The following SV2C variants were observed in gnomAD, a reference collection of about 807,000 sequenced individuals.
The protein encoded by SV2C is solute carrier family 22 member B3.
A neutral mutation model predicts 79.7 loss-of-function variants in SV2C; 49 were observed. That is an observed-to-expected ratio of 0.61 (90% CI 0.49 to 0.78). The LOEUF (loss-of-function observed/expected upper bound fraction) is 0.78, where lower values mean the gene tolerates loss of function less well. SV2C is among the 30% of genes least tolerant of loss of function. SV2C has a pLI of 0.00. For missense variants in SV2C, 833 were observed against 912.9 expected, an observed-to-expected ratio of 0.91 and a Z score of 1.13; for synonymous variants, 334 against 333.2, an observed-to-expected ratio of 1.00 and a Z score of -0.03.
At chr5:76,256,275 G>A (rs1746262912) in intron 4 of SV2C, among the ~76,000 whole-genome samples, 1 of 152,200 alleles carries the variant, frequency 6.6e-6, no homozygotes, top group Non-Finnish European at 1.5e-5. Flanking sequence ...CTCATTGAGT[G>A]AATGCGAGCC....
At chr5:75,989,083 A>G in the SV2C span, among the ~76,000 whole-genome samples, 1 of 151,978 alleles carries the variant, frequency 6.6e-6, no homozygotes, top group Non-Finnish European at 1.5e-5. Context: ...TTAAACAAAA[A>G]AGGATTAATT....
At chr5:75,934,264 G>A in the SV2C span, among the ~76,000 whole-genome samples, 1 of 142,832 alleles carries the variant, frequency 7.0e-6, no homozygotes, top group Non-Finnish European at 1.5e-5. Flanking sequence ...GCTTTATTTT[G>A]TAGTAAACAG....
chr5:76,309,148 C>A (rs116052621), intron 12 of SV2C, among the ~76,000 whole-genome samples: 394 of 152,224 alleles, frequency 2.6e-3, no homozygotes, highest in African/African-American at 8.1e-3. Flanking sequence ...AAGAGTTACT[C>A]AAAGAACAAG....
intron 8 of SV2C, among the ~76,000 whole-genome samples, chr5:76,295,379 G>GC (rs2112512598): frequency 6.6e-6 from 1 of 152,248 alleles, no homozygotes; most frequent in South Asian, 2.1e-4. Flanking sequence ...TGAGGTCTCT[G>GC]CCCTCATAAC....
At chr5:76,310,795 C>T (rs554821104) in intron 12 of SV2C, among the ~76,000 whole-genome samples, 3 of 152,114 alleles carry the variant, frequency 2.0e-5, no homozygotes, top group South Asian at 2.1e-4. Context: ...AATCCATCAA[C>T]GTAAGAAAAT....
the SV2C span, among the ~76,000 whole-genome samples, chr5:76,044,762 G>A: frequency 6.6e-6 from 1 of 152,040 alleles, no homozygotes; most frequent in African/African-American, 2.4e-5. Flanking sequence ...GGGGTGGGTT[G>A]TTTGTTTTTT....
chr5:76,327,256 G>A lies in SV2C; in HGVS notation c.*1709G>A, dbSNP rs1749039285. The A allele has an allele frequency of 6.6e-6, 1 of 152,176 alleles. No homozygotes were observed. Among genetic ancestry groups the A allele is most frequent in the African/African-American group, 2.4e-5 (1 of 41,426 alleles). 9.4% of individuals were successfully genotyped at this position (152,176 alleles called of 1,614,324 possible). A position where few individuals can be genotyped will look rare whatever the true frequency, so the allele number is the denominator to read the frequency against. On this transcript the variant is annotated 3_prime_UTR_variant, in exon 13 of 13. Transcript: ENST00000502798. Reference sequence around the variant, plus strand: ...TGAAGTAATTCAGGTCTGCAGAGGGGGGAAGACTGGTGTTGGGGGCAGTGG... The same window carrying A: ...TGAAGTAATTCAGGTCTGCAGAGGGAGGAAGACTGGTGTTGGGGGCAGTGG...
At chr5:76,034,186 A>G in the SV2C span, among the ~76,000 whole-genome samples, 11,650 of 151,134 alleles carry the variant, frequency 0.077, 1,408 homozygotes, top group African/African-American at 0.26. Flanking sequence ...CAATCATGTC[A>G]TCTGCAAACA....
In SV2C at chr5:76,315,090, A is replaced by C. The variant is rs184535096; in HGVS notation, c.2001-10274A>C. On this transcript the variant is annotated intron_variant, in intron 12 of 12. Transcript: ENST00000502798. ...GATCCAGGGATTCCTGTCAGCTCAC[A>C]ACTTGTAGGTGAGTCCTTCTCCACT... Among the ~76,000 whole-genome samples, 49 of 152,164 alleles carry C rather than the reference A, an allele frequency of 3.2e-4. No homozygotes were observed. The East Asian group carries it at 9.1e-3, about 28-fold the overall frequency.
the SV2C span, among the ~76,000 whole-genome samples, chr5:75,925,263 C>T: frequency 6.6e-6 from 1 of 152,142 alleles, no homozygotes; most frequent in South Asian, 2.1e-4. Context: ...CACAGAGGCA[C>T]TTGAGCACCT....
the SV2C span, among the ~76,000 whole-genome samples, chr5:75,856,641 A>G: frequency 3.3e-5 from 5 of 152,152 alleles, no homozygotes; most frequent in Non-Finnish European, 7.4e-5. Flanking sequence ...AAATCGGATT[A>G]TTACATTTTT....
the SV2C span, among the ~76,000 whole-genome samples, chr5:75,983,988 G>A: frequency 6.6e-6 from 1 of 152,072 alleles, no homozygotes; most frequent in African/African-American, 2.4e-5. Context: ...ATGCCGAGTT[G>A]TCTCAGCCAT....
At chr5:76,209,962 C>G (rs1744722098) in intron 4 of SV2C, 75 bp downstream of exon 4, 2 of 1,483,320 alleles carry the variant, frequency 1.3e-6, no homozygotes, top group Admixed American at 4.5e-5. Flanking sequence ...TTCTTCCTCT[C>G]TTCTAAGGGC....
In SV2C at chr5:76,169,775, C is replaced by T. The variant is rs572886534; in HGVS notation, c.581-25144C>T. On this transcript the variant is annotated intron_variant, in intron 2 of 12. Coordinates refer to ENST00000502798, the MANE Select transcript of SV2C (RefSeq NM_014979.4). The stretch of plus-strand genomic sequence containing the variant: ...ATTTGAGGGGCTTGAGAAAGGCAGC[C>T]CTCGAGGAATTAGCTTGCTAGGTAG... Among the ~76,000 whole-genome samples the T allele has an allele frequency of 1.7e-4, 26 of 152,232 alleles. No homozygotes were observed. The South Asian group carries it at 5.2e-3, about 30-fold the overall frequency.
At chr5:76,009,041 A>C in the SV2C span, among the ~76,000 whole-genome samples, 3 of 152,110 alleles carry the variant, frequency 2.0e-5, no homozygotes, top group Non-Finnish European at 4.4e-5. Context: ...TTGCCTGCTC[A>C]GTGAGGCCCA....
intron 2 of SV2C, among the ~76,000 whole-genome samples, chr5:76,143,341 A>G (rs1749318729): frequency 6.6e-6 from 1 of 152,082 alleles, no homozygotes; most frequent in Non-Finnish European, 1.5e-5. Context: ...CCCTCCAAAC[A>G]CTGAAGTAGC....
At chr5:75,971,858 A>G in the SV2C span, among the ~76,000 whole-genome samples, 2 of 151,980 alleles carry the variant, frequency 1.3e-5, no homozygotes, top group South Asian at 2.1e-4. Context: ...AAAAGAGCCC[A>G]CATTGCCAAG....
the SV2C span, among the ~76,000 whole-genome samples, chr5:75,940,933 G>T: frequency 6.6e-6 from 1 of 152,098 alleles, no homozygotes; most frequent in Non-Finnish European, 1.5e-5. Flanking sequence ...TCTTTATAAG[G>T]TTATCTACCC....
intron 2 of SV2C, among the ~76,000 whole-genome samples, chr5:76,138,261 T>C (rs17565925): frequency 0.12 from 17,695 of 152,234 alleles, 1,120 homozygotes; most frequent in Non-Finnish European, 0.14. Flanking sequence ...CTGGAACACA[T>C]ATACCAACTC....
Sources: gnomAD v4.1 joint callset for allele counts (sites outside exome capture counted in the v4.1 genomes callset) on GRCh38, gnomAD v4.1.1 for gene constraint, MANE v1.5 for transcripts, NCBI Gene and HGNC (gene_info 2026-07-23, HGNC 2026-07-21) for gene names.